Variants in ETV6 observed in about 807,000 individuals in gnomAD.
The protein encoded by ETV6 is ETS variant transcription factor 6.
In ETV6, 16 loss-of-function variants were observed where a neutral mutation model predicts 51.1. That is an observed-to-expected ratio of 0.31 (90% CI 0.21 to 0.48). The LOEUF (loss-of-function observed/expected upper bound fraction) is 0.48, where lower values mean the gene tolerates loss of function less well. Ranked by LOEUF, ETV6 falls within the 20% of genes least tolerant of loss-of-function variation. ETV6 has a pLI of 0.99. For synonymous variants in ETV6, 240 were observed against 224.1 expected, an observed-to-expected ratio of 1.07 and a Z score of -0.64; for missense variants, 458 against 594.8, an observed-to-expected ratio of 0.77 and a Z score of 2.39.
At chr12:11,871,616 T>C (rs962621187) in intron 5 of ETV6, among the ~76,000 whole-genome samples, 2 of 152,096 alleles carry the variant, frequency 1.3e-5, no homozygotes, top group Non-Finnish European at 2.9e-5. Flanking sequence ...ATCCAGAAAA[T>C]AAAATGGCAA....
intron 3 of ETV6, among the ~76,000 whole-genome samples, chr12:11,848,496 C>T (rs996694694): frequency 1.3e-5 from 2 of 152,246 alleles, no homozygotes; most frequent in African/African-American, 4.8e-5. Flanking sequence ...TCGCTCTCTC[C>T]TGTCCATTTG....
chr12:11,805,418 AGACAG>A (rs1258770970), intron 2 of ETV6, among the ~76,000 whole-genome samples: 1 of 152,158 alleles, frequency 6.6e-6, no homozygotes, highest in Non-Finnish European at 1.5e-5. Context: ...GTGGGACGTC[AGACAG>A]GAGCAGGGAT....
chr12:11,718,668 G>A (rs1865325705), intron 1 of ETV6, among the ~76,000 whole-genome samples: 1 of 151,868 alleles, frequency 6.6e-6, no homozygotes, highest in Admixed American at 6.6e-5. Flanking sequence ...CAGCTACTTG[G>A]GAGGCTGAGG....
chr12:11,709,347 C>G (rs751174762), intron 1 of ETV6, among the ~76,000 whole-genome samples: 6 of 151,810 alleles, frequency 4.0e-5, no homozygotes, highest in Non-Finnish European at 8.8e-5. Flanking sequence ...CTTCTCTCCT[C>G]CTCTCCTCTC....
intron 1 of ETV6, among the ~76,000 whole-genome samples, chr12:11,695,024 T>C (rs1172047492): frequency 1.3e-5 from 2 of 152,246 alleles, no homozygotes; most frequent in African/African-American, 2.4e-5. Flanking sequence ...TGAATTTTGC[T>C]GTGACCTGTC....
chr12:11,854,787 A>G (rs75614955), intron 4 of ETV6, among the ~76,000 whole-genome samples: 1 of 151,368 alleles, frequency 6.6e-6, no homozygotes, highest in Non-Finnish European at 1.5e-5. Context: ...AGAAGGAAAG[A>G]AAAAAAAACC....
intron 5 of ETV6, among the ~76,000 whole-genome samples, chr12:11,876,565 A>G (rs934465976): frequency 6.6e-5 from 10 of 152,184 alleles, no homozygotes; most frequent in African/African-American, 2.4e-4. Flanking sequence ...CTTGGCCTTA[A>G]TCCAAAACTC....
intron 4 of ETV6, among the ~76,000 whole-genome samples, chr12:11,865,250 C>CAAAAA (rs11395687): frequency 1.2e-5 from 1 of 82,872 alleles, no homozygotes; most frequent in Non-Finnish European, 2.6e-5. Context: ...GACTCCGTCT[C>CAAAAA]AAAAAAAAAA....
At chr12:11,885,581 G>A (rs1565567990) in intron 6 of ETV6, among the ~76,000 whole-genome samples, 2 of 152,352 alleles carry the variant, frequency 1.3e-5, no homozygotes, top group East Asian at 3.9e-4. Context: ...CCCAGAGATA[G>A]GGGGAACCTG....
rs568962903 is a variant in ETV6, at chr12:11,665,015, A to G, written c.33+14855A>G. On this transcript the variant is annotated intron_variant, in intron 1 of 7. Coordinates refer to ENST00000396373, the MANE Select transcript of ETV6 (RefSeq NM_001987.5). ...CATCTCCACATTATGTTCCAACCACATAATGAACTTTTTTCTCAGGAGGAC... is the reference window on the plus strand; with the variant it reads ...CATCTCCACATTATGTTCCAACCACGTAATGAACTTTTTTCTCAGGAGGAC... Among the ~76,000 whole-genome samples, 5 of 152,262 alleles carry G rather than the reference A, an allele frequency of 3.3e-5. No individual in the cohort carries two copies. In the East Asian group the frequency reaches 9.7e-4, roughly 29 times the overall value.
chr12:11,759,057 G>A (rs1448860367), intron 2 of ETV6, among the ~76,000 whole-genome samples: 1 of 152,038 alleles, frequency 6.6e-6, no homozygotes, highest in Non-Finnish European at 1.5e-5. Context: ...TTCCTTTTTG[G>A]GTTTGCTGTC....
At chr12:11,728,536 A>G (rs1463479476) in intron 1 of ETV6, among the ~76,000 whole-genome samples, 1 of 152,228 alleles carries the variant, frequency 6.6e-6, no homozygotes, top group East Asian at 1.9e-4. Flanking sequence ...ATGTGCTTGA[A>G]TCATCCTGAA....
At chr12:11,856,418 G>A (rs1946633730) in intron 4 of ETV6, among the ~76,000 whole-genome samples, 1 of 152,122 alleles carries the variant, frequency 6.6e-6, no homozygotes, top group Non-Finnish European at 1.5e-5. Flanking sequence ...TAAAGCTCAT[G>A]GCCAGGAAGC....
At chr12:11,821,089 A>G (rs567272519) in intron 2 of ETV6, among the ~76,000 whole-genome samples, 14 of 152,282 alleles carry the variant, frequency 9.2e-5, no homozygotes, top group East Asian at 3.9e-4. Flanking sequence ...GGGGCTGGGC[A>G]CGGTGGCTCA....
At chr12:11,740,659 A>AT (rs1355714765) in intron 1 of ETV6, among the ~76,000 whole-genome samples, 2 of 152,070 alleles carry the variant, frequency 1.3e-5, no homozygotes, top group African/African-American at 4.8e-5. Flanking sequence ...ACTGTTGAGA[A>AT]TTTTTTTTAC....
At chr12:11,787,356 T>C (rs1026764330) in intron 2 of ETV6, among the ~76,000 whole-genome samples, 5 of 152,218 alleles carry the variant, frequency 3.3e-5, no homozygotes, top group Non-Finnish European at 7.3e-5. Context: ...ACATCAGATT[T>C]CAAAAACTTA....
rs1331625066 is a variant in ETV6, at chr12:11,649,790, G to A, written c.-338G>A. Reference sequence around the variant, plus strand: ...ATTCGAGAGAGCGAGGGAGAGCCGCGGGAGGGCGGGGGGCGGGGGCGCCGG... The same window carrying A: ...ATTCGAGAGAGCGAGGGAGAGCCGCAGGAGGGCGGGGGGCGGGGGCGCCGG... On this transcript the variant is annotated 5_prime_UTR_variant, in exon 1 of 8. Coordinates refer to ENST00000396373, the MANE Select transcript of ETV6 (RefSeq NM_001987.5). The A allele has an allele frequency of 1.4e-5, 2 of 146,952 alleles. No homozygotes were observed. Among genetic ancestry groups the A allele is most frequent in the Admixed American group, 6.7e-5 (1 of 14,884 alleles). The allele number at this position is 146,952 out of a possible 1,614,324, so 9.1% of individuals were successfully genotyped here.
chr12:11,768,521 C>T (rs1321483877), intron 2 of ETV6, among the ~76,000 whole-genome samples: 1 of 152,194 alleles, frequency 6.6e-6, no homozygotes, highest in African/African-American at 2.4e-5. Flanking sequence ...AGCCTGTGTT[C>T]TTTATCCCCT....
intron 2 of ETV6, among the ~76,000 whole-genome samples, chr12:11,803,372 A>AT (rs1945780173): frequency 1.3e-5 from 2 of 152,322 alleles, no homozygotes; most frequent in African/African-American, 4.8e-5. Context: ...ATATTTTATA[A>AT]TTTTTTGTCA....
Sources: allele counts gnomAD v4.1 joint callset (sites outside exome capture counted in the v4.1 genomes callset), GRCh38; gene constraint gnomAD v4.1.1; transcripts MANE v1.5; gene names NCBI Gene and HGNC (gene_info 2026-07-23, HGNC 2026-07-21).